SLIT2: variants seen among roughly 807,000 people sequenced by gnomAD.
The protein encoded by SLIT2 is slit guidance ligand 2.
A neutral mutation model predicts 185.7 loss-of-function variants in SLIT2; 41 were observed. That is an observed-to-expected ratio of 0.22 (90% CI 0.17 to 0.29). The LOEUF (loss-of-function observed/expected upper bound fraction) is 0.29, where lower values mean the gene tolerates loss of function less well. Among genes scored for constraint, SLIT2 ranks in the 10% least tolerant of loss-of-function variants. The probability of loss-of-function intolerance (pLI) is 1.00; values close to 1 mark genes in which losing one functional copy is unlikely to be tolerated. For synonymous variants in SLIT2, 693 were observed against 680.2 expected (o/e 1.02, Z -0.29); for missense variants, 1,571 against 1,909.0 (o/e 0.82, Z 3.30).
chr4:20,441,818 C>T (rs573483962), intron 4 of SLIT2, among the ~76,000 whole-genome samples: 1 of 152,194 alleles, frequency 6.6e-6, no homozygotes, highest in African/African-American at 2.4e-5. Context: ...GAACTTTATA[C>T]TTTAACCATT....
intron 4 of SLIT2, among the ~76,000 whole-genome samples, chr4:20,416,249 AG>A (rs1160128594): frequency 6.6e-6 from 1 of 152,208 alleles, no homozygotes; most frequent in Non-Finnish European, 1.5e-5. Flanking sequence ...TCCAAGTTCA[AG>A]GCACCAGCAG....
At chr4:20,453,272 T>C (rs1192358065) in intron 4 of SLIT2, among the ~76,000 whole-genome samples, 1 of 152,200 alleles carries the variant, frequency 6.6e-6, no homozygotes, top group African/African-American at 2.4e-5. Flanking sequence ...ACTGGGATTG[T>C]TTAAAGTATT....
intron 34 of SLIT2, chr4:20,616,005 C>T (rs1392293095): frequency 3.3e-5 from 5 of 152,180 alleles, no homozygotes; most frequent in African/African-American, 4.8e-5. Flanking sequence ...AAGATTCTTC[C>T]GTTTTGCCAA....
At chr4:20,527,250 A>C (rs1427822901) in intron 15 of SLIT2, among the ~76,000 whole-genome samples, 1 of 151,744 alleles carries the variant, frequency 6.6e-6, no homozygotes, top group East Asian at 1.9e-4. Flanking sequence ...GGCACTCTAC[A>C]TATTACAGTG....
intron 15 of SLIT2, among the ~76,000 whole-genome samples, chr4:20,527,051 G>A (rs77421140): frequency 0.044 from 6,691 of 152,136 alleles, 339 homozygotes; most frequent in African/African-American, 0.12. Flanking sequence ...ATTTACCATC[G>A]CAAACTTCTT....
chr4:20,364,877 A>G (rs1722994220), intron 4 of SLIT2, among the ~76,000 whole-genome samples: 1 of 152,112 alleles, frequency 6.6e-6, no homozygotes, highest in Non-Finnish European at 1.5e-5. Flanking sequence ...AAGATTTTTG[A>G]AGGCTCTTTT....
chr4:20,374,965 CT>C (rs1723900208), intron 4 of SLIT2, among the ~76,000 whole-genome samples: 1 of 151,932 alleles, frequency 6.6e-6, no homozygotes, highest in Non-Finnish European at 1.5e-5. Flanking sequence ...GTTGTTTAGC[CT>C]TTTTTATTAT....
intron 29 of SLIT2, among the ~76,000 whole-genome samples, 154 bp from the exon 30 acceptor site, chr4:20,589,490 C>T (rs1727330724): frequency 6.6e-6 from 1 of 152,184 alleles, no homozygotes; most frequent in East Asian, 1.9e-4. Flanking sequence ...CCACCTGGTT[C>T]CATGCCTTGT....
intron 4 of SLIT2, among the ~76,000 whole-genome samples, chr4:20,412,721 C>T (rs1254535916): frequency 1.3e-5 from 2 of 151,914 alleles, no homozygotes; most frequent in Admixed American, 6.6e-5. Context: ...TACAATTTAG[C>T]GATTTTATAT....
At chr4:20,549,221 G>A (rs1723521925) in intron 24 of SLIT2, 93 bp downstream of exon 24, 1 of 685,464 alleles carries the variant, frequency 1.5e-6, no homozygotes, top group Admixed American at 2.5e-5. Context: ...GTTGATTCTT[G>A]GTGCTTGAAG....
At chr4:20,580,268 C>T (rs961722520) in intron 29 of SLIT2, among the ~76,000 whole-genome samples, 3 of 151,186 alleles carry the variant, frequency 2.0e-5, no homozygotes, top group Non-Finnish European at 4.4e-5. Context: ...ACCATGTTGA[C>T]CTCAGGTGAT....
rs144395551 is a variant in SLIT2, at chr4:20,391,963, C to T, written c.396-75789C>T. 2.1e-3 allele frequency among the ~76,000 whole-genome samples: 319 copies of T among 152,142 alleles called. 1 individual carries two copies. Among genetic ancestry groups the T allele is most frequent in the Admixed American group, 4.3e-3 (65 of 15,234 alleles). ...GGATTCTCAACGATACCAGAGATCA[C>T]TCATCAGTTCAGTGCAGAGTACTAT... On this transcript the variant is annotated intron_variant, in intron 4 of 36. Coordinates refer to ENST00000504154, the MANE Select transcript of SLIT2 (RefSeq NM_004787.4).
Position 20,542,509 on chromosome 4 carries a change from G to A in SLIT2, c.2159G>A (p.Ser720Asn), listed in dbSNP as rs1340518927. The change falls in exon 21 of 37, where the codon AGT (serine) becomes AAT (asparagine). Residue 720 changes from serine (S) to asparagine (N), a missense_variant. Physicochemically the swap from Ser to Asn is conservative, Grantham distance 46 (BLOSUM62 1). Coordinates refer to ENST00000504154, the MANE Select transcript of SLIT2 (RefSeq NM_004787.4). Reference sequence around the variant, plus strand: ...TGCGATTTAGGAAATGATGACAATAGTTGCTCCCCACTTTCTCGCTGTCCT... The same window carrying A: ...TGCGATTTAGGAAATGATGACAATAATTGCTCCCCACTTTCTCGCTGTCCT... ...FTCDDGNDDNSCSPLSRCPTE... is the reference protein window; with the variant it reads ...FTCDDGNDDNNCSPLSRCPTE... 1.9e-6 allele frequency: 3 copies of A among 1,613,614 alleles called. No individual in the cohort carries two copies. In the Admixed American group the frequency reaches 5.0e-5, roughly 27 times the overall value.
chr4:20,594,914 G>A (rs1019000568), intron 30 of SLIT2, among the ~76,000 whole-genome samples: 1 of 152,090 alleles, frequency 6.6e-6, no homozygotes, highest in Non-Finnish European at 1.5e-5. Context: ...AATATCACAG[G>A]ACTGTGGAGA....
intron 4 of SLIT2, among the ~76,000 whole-genome samples, chr4:20,356,998 G>A (rs938068964): frequency 6.6e-6 from 1 of 152,156 alleles, no homozygotes; most frequent in Non-Finnish European, 1.5e-5. Context: ...AAAAAAATAT[G>A]TATTTGTTAC....
At chr4:20,604,608 A>C (rs1728648855) in intron 33 of SLIT2, among the ~76,000 whole-genome samples, 1 of 152,076 alleles carries the variant, frequency 6.6e-6, no homozygotes. Flanking sequence ...CAGCCTCCCA[A>C]AGTGCTGGGA....
chr4:20,348,528 C>T (rs558306750), intron 4 of SLIT2, among the ~76,000 whole-genome samples: 13 of 152,154 alleles, frequency 8.5e-5, no homozygotes, highest in South Asian at 2.1e-4. Context: ...GGATTACAGA[C>T]GTGAGCCACT....
chr4:20,422,931 C>T (rs1176942345), intron 4 of SLIT2, among the ~76,000 whole-genome samples: 1 of 149,042 alleles, frequency 6.7e-6, no homozygotes, highest in African/African-American at 2.5e-5. Context: ...TTTAAAATTG[C>T]TTATTGTGGT....
At chr4:20,599,021 G>A (rs1578000503) in intron 33 of SLIT2, among the ~76,000 whole-genome samples, 1 of 152,220 alleles carries the variant, frequency 6.6e-6, no homozygotes, top group Middle Eastern at 3.4e-3. Flanking sequence ...GTAACTTCAG[G>A]TTGCCATTCA....
Sources: gnomAD v4.1 joint callset for allele counts (sites outside exome capture counted in the v4.1 genomes callset) on GRCh38, gnomAD v4.1.1 for gene constraint, MANE v1.5 for transcripts, NCBI Gene and HGNC (gene_info 2026-07-23, HGNC 2026-07-21) for gene names.